PHLDB2: variants seen among roughly 807,000 people sequenced by gnomAD.
The protein encoded by PHLDB2 is pleckstrin homology-like domain family B member 2.
Under a neutral mutation model 123.6 loss-of-function variants are expected in PHLDB2, and 71 were observed. That is an observed-to-expected ratio of 0.57 (90% confidence interval 0.47 to 0.70). The LOEUF (loss-of-function observed/expected upper bound fraction) is 0.70, where lower values mean the gene tolerates loss of function less well. Ranked by LOEUF, PHLDB2 falls within the 30% of genes least tolerant of loss-of-function variation. The pLI is 0.00. For missense variants in PHLDB2, 1,446 were observed against 1,519.5 expected, an observed-to-expected ratio of 0.95 and a Z score of 0.80; for synonymous variants, 547 against 541.6, an observed-to-expected ratio of 1.01 and a Z score of -0.14.
At chr3:111,951,082 A>C (rs1438417200) in intron 10 of PHLDB2, among the ~76,000 whole-genome samples, 2 of 152,140 alleles carry the variant, frequency 1.3e-5, no homozygotes, top group Admixed American at 1.3e-4. Flanking sequence ...AAAGTTATGA[A>C]TTTCAGAATT....
intron 2 of PHLDB2, among the ~76,000 whole-genome samples, chr3:111,894,359 C>T (rs964806629): frequency 6.3e-4 from 96 of 151,830 alleles, no homozygotes; most frequent in East Asian, 2.7e-3. Context: ...TGAGTAATGC[C>T]GCAATAAACA....
At chr3:111,957,718 A>G (rs2107652434) in intron 12 of PHLDB2, among the ~76,000 whole-genome samples, 1 of 152,348 alleles carries the variant, frequency 6.6e-6, no homozygotes, top group South Asian at 2.1e-4. Flanking sequence ...TCTAAGAAAG[A>G]CTTAGTGGAG....
intron 12 of PHLDB2, among the ~76,000 whole-genome samples, 174 bp downstream of exon 12, chr3:111,954,203 T>G (rs916007517): frequency 2.0e-5 from 3 of 152,178 alleles, no homozygotes; most frequent in African/African-American, 7.2e-5. Flanking sequence ...TATTTATACA[T>G]ATAGCTGGTA....
chr3:111,825,685 T>C (rs1009728768), intron 1 of PHLDB2, among the ~76,000 whole-genome samples: 15 of 152,234 alleles, frequency 9.9e-5, no homozygotes, highest in African/African-American at 3.6e-4. Context: ...TGGACTCAAG[T>C]GATCTGCCCA....
chr3:111,770,202 G>A lies in PHLDB2; in HGVS notation c.-49+37499G>A, dbSNP rs147080828. Among the ~76,000 whole-genome samples, 39 of 152,224 alleles carry A rather than the reference G, an allele frequency of 2.6e-4. No individual in the cohort carries two copies. In the East Asian group the frequency reaches 5.0e-3, roughly 20 times the overall value. Reference sequence around the variant, plus strand: ...TTCCTCTGGGAAGGGTGCTTATTACGTCATCAATGTATTTTTTCCAGATAC... The same window carrying A: ...TTCCTCTGGGAAGGGTGCTTATTACATCATCAATGTATTTTTTCCAGATAC... On this transcript the variant is annotated intron_variant, in intron 1 of 17. Coordinates refer to the PHLDB2 transcript ENST00000393923.
chr3:111,897,845 G>T (rs1179175420), intron 2 of PHLDB2, among the ~76,000 whole-genome samples: 10 of 152,174 alleles, frequency 6.6e-5, no homozygotes, highest in Non-Finnish European at 8.8e-5. Context: ...CTGAGATATT[G>T]TGGGTTTGGT....
At chr3:111,963,900 C>A (rs545754187) in intron 13 of PHLDB2, among the ~76,000 whole-genome samples, 2 of 152,262 alleles carry the variant, frequency 1.3e-5, no homozygotes, top group African/African-American at 4.8e-5. Flanking sequence ...TTCCTCATTA[C>A]CTGCTTCCCT....
intron 5 of PHLDB2, among the ~76,000 whole-genome samples, chr3:111,926,439 C>T (rs1323061049): frequency 1.3e-5 from 2 of 152,128 alleles, no homozygotes; most frequent in Non-Finnish European, 2.9e-5. Context: ...CTTCCCGTGC[C>T]TCTTTCTTAC....
At chr3:111,890,786 G>A (rs1329200602) in intron 2 of PHLDB2, among the ~76,000 whole-genome samples, 6 of 152,116 alleles carry the variant, frequency 3.9e-5, no homozygotes, top group Admixed American at 2.6e-4. Flanking sequence ...CTTTGAGTCC[G>A]TATTAAATAA....
At chr3:111,810,334 C>T (rs2061775509) in intron 1 of PHLDB2, among the ~76,000 whole-genome samples, 1 of 152,090 alleles carries the variant, frequency 6.6e-6, no homozygotes, top group Non-Finnish European at 1.5e-5. Context: ...CCTCAGGCTG[C>T]CATAACAAAT....
chr3:111,814,391 C>T (rs2061977869), intron 1 of PHLDB2, among the ~76,000 whole-genome samples: 1 of 152,144 alleles, frequency 6.6e-6, no homozygotes, highest in Non-Finnish European at 1.5e-5. Flanking sequence ...CCAGGTTCTT[C>T]AGTTTTGGGA....
intron 1 of PHLDB2, among the ~76,000 whole-genome samples, chr3:111,775,282 G>A (rs1311814506): frequency 6.6e-6 from 1 of 152,112 alleles, no homozygotes; most frequent in Non-Finnish European, 1.5e-5. Context: ...CACACCCTTA[G>A]AAAACAAACA....
At chr3:111,907,812 T>C (rs1336597102) in intron 2 of PHLDB2, among the ~76,000 whole-genome samples, 1 of 152,106 alleles carries the variant, frequency 6.6e-6, no homozygotes, top group African/African-American at 2.4e-5. Flanking sequence ...GTTTTGTTTT[T>C]TTGAGACAGG....
At chr3:111,948,326 A>C (rs914660942) in intron 9 of PHLDB2, among the ~76,000 whole-genome samples, 1 of 152,126 alleles carries the variant, frequency 6.6e-6, no homozygotes, top group Non-Finnish European at 1.5e-5. Context: ...ACTCACCTGC[A>C]TGAAAGGACA....
intron 1 of PHLDB2, among the ~76,000 whole-genome samples, chr3:111,742,057 A>C (rs1367056411): frequency 3.9e-5 from 6 of 152,132 alleles, no homozygotes; most frequent in Admixed American, 1.3e-4. Context: ...CTACTCTCCA[A>C]ATGTATTTAT....
At chr3:111,900,840 T>C (rs917957288) in intron 2 of PHLDB2, among the ~76,000 whole-genome samples, 15 of 152,206 alleles carry the variant, frequency 9.9e-5, no homozygotes, top group African/African-American at 3.4e-4. Flanking sequence ...GATATGCCTG[T>C]AGTTACTTTC....
At chr3:111,822,788 CT>C (rs1385311842) in intron 1 of PHLDB2, among the ~76,000 whole-genome samples, 3 of 152,222 alleles carry the variant, frequency 2.0e-5, no homozygotes, top group East Asian at 1.9e-4. Context: ...GCCACCAGAA[CT>C]TTTCTTTCCT....
At chr3:111,898,913 T>C (rs1203375806) in intron 2 of PHLDB2, among the ~76,000 whole-genome samples, 2 of 152,188 alleles carry the variant, frequency 1.3e-5, no homozygotes, top group Non-Finnish European at 2.9e-5. Flanking sequence ...CTCAAAGTCA[T>C]CCATAAGGAC....
intron 1 of PHLDB2, among the ~76,000 whole-genome samples, chr3:111,832,166 A>G (rs536821397): frequency 6.6e-6 from 1 of 151,920 alleles, no homozygotes; most frequent in Non-Finnish European, 1.5e-5. Flanking sequence ...AACTACCACA[A>G]CTCTAACCAC....
Sources: allele counts gnomAD v4.1 joint callset (sites outside exome capture counted in the v4.1 genomes callset), GRCh38; gene constraint gnomAD v4.1.1; transcripts MANE v1.5; gene names NCBI Gene and HGNC (gene_info 2026-07-23, HGNC 2026-07-21).